THSD7A: variants seen among roughly 807,000 people sequenced by gnomAD.
THSD7A encodes thrombospondin type-1 domain-containing protein 7A.
In THSD7A, 96 loss-of-function variants were observed where a neutral mutation model predicts 231.3. That is an observed-to-expected ratio of 0.41 (90% CI 0.35 to 0.49). The LOEUF (loss-of-function observed/expected upper bound fraction) is 0.49, where lower values mean the gene tolerates loss of function less well. THSD7A is among the 20% of genes least tolerant of loss of function. THSD7A has a pLI of 0.05. For synonymous variants in THSD7A, 940 were observed against 743.3 expected, an observed-to-expected ratio of 1.26 and a Z score of -4.30; for missense variants, 2,290 against 2,070.2, an observed-to-expected ratio of 1.11 and a Z score of -2.06.
chr7:11,827,643 C>T (rs10235496), intron 1 of THSD7A, among the ~76,000 whole-genome samples: 12,390 of 152,000 alleles, frequency 0.082, 603 homozygotes, highest in East Asian at 0.21. Context: ...ATTTTCTTTG[C>T]TTTAATGATC....
intron 12 of THSD7A, 33 bp downstream of exon 12, chr7:11,447,197 G>A (rs375139758): frequency 4.0e-5 from 64 of 1,599,494 alleles, no homozygotes; most frequent in South Asian, 2.8e-4. Context: ...CTACTTTGAC[G>A]TGTACTGGCT....
chr7:11,674,041 C>G (rs1241131231), intron 1 of THSD7A, among the ~76,000 whole-genome samples: 1 of 151,914 alleles, frequency 6.6e-6, no homozygotes, highest in Non-Finnish European at 1.5e-5. Flanking sequence ...CACACACCGA[C>G]TCTACAAGCA....
chr7:11,626,897 C>A (rs928086387), intron 2 of THSD7A, among the ~76,000 whole-genome samples: 1 of 151,928 alleles, frequency 6.6e-6, no homozygotes, highest in Non-Finnish European at 1.5e-5. Context: ...TGTATATTAT[C>A]TTAATTGAAT....
intron 1 of THSD7A, among the ~76,000 whole-genome samples, chr7:11,723,129 T>C (rs1194738126): frequency 6.6e-6 from 1 of 151,974 alleles, no homozygotes; most frequent in Admixed American, 6.6e-5. Flanking sequence ...ATATACACCA[T>C]GGAATACTAT....
intron 6 of THSD7A, among the ~76,000 whole-genome samples, chr7:11,538,898 A>G (rs367978799): frequency 4.6e-5 from 7 of 152,204 alleles, no homozygotes; most frequent in South Asian, 4.1e-4. Context: ...TGGACAAAGA[A>G]TATTTCAGAA....
At chr7:11,384,423 A>G in intron 23 of THSD7A, 1 of 151,802 alleles carries the variant, frequency 6.6e-6, no homozygotes, top group East Asian at 1.9e-4. Flanking sequence ...TTGGTGTCAT[A>G]TTTAGGAAAT....
At chr7:11,739,348 A>G (rs17165136) in intron 1 of THSD7A, among the ~76,000 whole-genome samples, 7,366 of 152,062 alleles carry the variant, frequency 0.048, 199 homozygotes, top group East Asian at 0.14. Context: ...ACTTCTATGC[A>G]TGGAATAACA....
chr7:11,767,707 T>C (rs1417076357), intron 1 of THSD7A, among the ~76,000 whole-genome samples: 1 of 152,164 alleles, frequency 6.6e-6, no homozygotes, highest in African/African-American at 2.4e-5. Flanking sequence ...TGCTGGCATA[T>C]AATTGGTCCT....
chr7:11,785,916 A>G (rs1783775210), intron 1 of THSD7A, among the ~76,000 whole-genome samples: 1 of 152,090 alleles, frequency 6.6e-6, no homozygotes, highest in Admixed American at 6.6e-5. Flanking sequence ...ATCTTTCACT[A>G]AATTTTTAAG....
intron 6 of THSD7A, among the ~76,000 whole-genome samples, chr7:11,513,970 C>A (rs1787923885): frequency 6.6e-6 from 1 of 151,876 alleles, no homozygotes; most frequent in African/African-American, 2.4e-5. Context: ...TACACATACC[C>A]TCTTGGCCCC....
chr7:11,743,829 A>G (rs918979328), intron 1 of THSD7A, among the ~76,000 whole-genome samples: 4 of 151,936 alleles, frequency 2.6e-5, no homozygotes, highest in Non-Finnish European at 2.9e-5. Flanking sequence ...CTGTTCATAA[A>G]GAATTACAGG....
intron 1 of THSD7A, among the ~76,000 whole-genome samples, chr7:11,664,236 G>C (rs1783037184): frequency 6.6e-6 from 1 of 151,778 alleles, no homozygotes; most frequent in African/African-American, 2.4e-5. Flanking sequence ...AGTTCTTGAA[G>C]TACCTCAAAA....
At chr7:11,778,548 G>A (rs910311343) in intron 1 of THSD7A, among the ~76,000 whole-genome samples, 25 of 152,094 alleles carry the variant, frequency 1.6e-4, no homozygotes, top group African/African-American at 2.9e-4. Flanking sequence ...TGGCAGAGTC[G>A]AGGAAGAAGA....
At chr7:11,698,899 T>G (rs533144664) in intron 1 of THSD7A, among the ~76,000 whole-genome samples, 59 of 151,406 alleles carry the variant, frequency 3.9e-4, no homozygotes, top group African/African-American at 1.4e-3. Context: ...TAGCATAACT[T>G]TATTTCTTAT....
intron 23 of THSD7A, among the ~76,000 whole-genome samples, chr7:11,388,206 C>T (rs1276272332): frequency 6.6e-6 from 1 of 151,772 alleles, no homozygotes; most frequent in Non-Finnish European, 1.5e-5. Context: ...ATGATGGCCT[C>T]ATAAAATGAG....
chr7:11,585,047 G>C (rs1483162970), intron 4 of THSD7A, among the ~76,000 whole-genome samples: 1 of 152,144 alleles, frequency 6.6e-6, no homozygotes, highest in East Asian at 1.9e-4. Flanking sequence ...CCAAGTCAAA[G>C]GTACAAAGCA....
At chr7:11,558,400 C>A (rs1312252764) in intron 4 of THSD7A, among the ~76,000 whole-genome samples, 1 of 151,910 alleles carries the variant, frequency 6.6e-6, no homozygotes, top group Non-Finnish European at 1.5e-5. Flanking sequence ...TCAGAGGATC[C>A]CCAAAATCTA....
intron 1 of THSD7A, among the ~76,000 whole-genome samples, chr7:11,672,074 C>G (rs1022813896): frequency 6.6e-6 from 1 of 152,080 alleles, no homozygotes; most frequent in Admixed American, 6.6e-5. Context: ...AAACTTAACT[C>G]TTGTTATAGT....
intron 1 of THSD7A, among the ~76,000 whole-genome samples, chr7:11,736,453 CTGTGTG>C (rs61483307): frequency 8.4e-5 from 12 of 143,602 alleles, no homozygotes; most frequent in South Asian, 4.4e-4. Flanking sequence ...ACAGCAGACT[CTGTGTG>C]TGTGTGTGTG....
Sources: allele counts gnomAD v4.1 joint callset (sites outside exome capture counted in the v4.1 genomes callset), GRCh38; gene constraint gnomAD v4.1.1; transcripts MANE v1.5; gene names NCBI Gene and HGNC (gene_info 2026-07-23, HGNC 2026-07-21).